The following PCSK5 variants were observed in gnomAD, a reference collection of about 807,000 sequenced individuals.
PCSK5 encodes the protein proprotein convertase subtilisin/kexin type 5, also known as prohormone convertase 5.
A neutral mutation model predicts 233.2 loss-of-function variants in PCSK5; 129 were observed. The observed-to-expected ratio is 0.55, with a 90% CI of 0.48 to 0.64. PCSK5 has a LOEUF of 0.64. Among genes scored for constraint, PCSK5 ranks in the 30% least tolerant of loss-of-function variants. The pLI is 0.00. For missense variants in PCSK5, 2,076 were observed against 2,430.1 expected (o/e 0.85, Z 3.06); for synonymous variants, 825 against 879.2 (o/e 0.94, Z 1.09).
intron 24 of PCSK5, among the ~76,000 whole-genome samples, chr9:76,280,610 T>C (rs58767366): frequency 0.13 from 19,344 of 151,670 alleles, 1,685 homozygotes; most frequent in African/African-American, 0.25. Context: ...GATGTGGTGG[T>C]CTGTAGTCCC....
rs1393588780 is a variant in PCSK5 at position 76,064,390 on chromosome 9, C to G, written c.633-3565C>G. 4.2e-3 allele frequency among the ~76,000 whole-genome samples: 516 copies of G among 124,290 alleles called. 3 individuals are homozygous for G. Among genetic ancestry groups the G allele is most frequent in the African/African-American group, 0.016 (479 of 30,034 alleles). The allele number at this position is 124,290 out of a possible 152,430, so 81.5% of individuals were successfully genotyped here. On this transcript the variant is annotated intron_variant, in intron 5 of 37. Transcript: ENST00000674117. The stretch of plus-strand genomic sequence containing the variant: ...CCCCCCACCTCCCTCCCGGACGGCA[C>G]GGCTGGCCAGGCGGGGGGCTGACCC...
intron 9 of PCSK5, among the ~76,000 whole-genome samples, chr9:76,116,878 A>G (rs1160655607): frequency 2.6e-5 from 4 of 152,144 alleles, no homozygotes; most frequent in African/African-American, 9.7e-5. Context: ...AATGGGCACT[A>G]TAAACCGTAA....
intron 10 of PCSK5, among the ~76,000 whole-genome samples, chr9:76,153,483 A>T (rs774824133): frequency 2.0e-4 from 30 of 152,238 alleles, no homozygotes; most frequent in Non-Finnish European, 4.0e-4. Flanking sequence ...GTGCTTGCAC[A>T]GAGTGGCTTC....
intron 3 of PCSK5, among the ~76,000 whole-genome samples, chr9:76,019,705 G>A (rs1176254256): frequency 1.3e-5 from 2 of 152,124 alleles, no homozygotes; most frequent in Non-Finnish European, 2.9e-5. Flanking sequence ...CAAGAGAAGT[G>A]GATGCACCCA....
chr9:76,160,265 G>A (rs1382422581), intron 12 of PCSK5, among the ~76,000 whole-genome samples: 1 of 152,152 alleles, frequency 6.6e-6, no homozygotes, highest in Non-Finnish European at 1.5e-5. Context: ...TGGCCAGAAT[G>A]TTCTATCACT....
rs918182239 is a variant in PCSK5 at position 76,123,959 on chromosome 9, A to C, written c.1209-10150A>C. ...GCTTAGTTTTAGGATTTCTTTTTTC[A>C]TTTGTATTGTAATGAAAACGTATAT... On this transcript the variant is annotated intron_variant, in intron 9 of 37. Coordinates refer to ENST00000674117, the MANE Select transcript of PCSK5 (RefSeq NM_001372043.1). 3.3e-5 allele frequency among the ~76,000 whole-genome samples: 5 copies of C among 151,576 alleles called. No homozygotes were observed. In the East Asian group the frequency reaches 9.7e-4, roughly 29 times the overall value.
rs372486868 is a variant in PCSK5, at chr9:76,206,038, G to A, written c.2626+16292G>A. 1.1e-4 allele frequency among the ~76,000 whole-genome samples: 16 copies of A among 152,342 alleles called. No individual in the cohort carries two copies. In the East Asian group the frequency reaches 2.9e-3, roughly 28 times the overall value. On this transcript the variant is annotated intron_variant, in intron 20 of 37. Coordinates refer to ENST00000674117, the MANE Select transcript of PCSK5 (RefSeq NM_001372043.1). Reference sequence around the variant, plus strand: ...AGGACTCTAAGGCAATGAGCATAGAGCAATGGCTGTCAGACTTGAGTGGCC... The same window carrying A: ...AGGACTCTAAGGCAATGAGCATAGAACAATGGCTGTCAGACTTGAGTGGCC...
chr9:76,326,424 TAAGA>T (rs1829361057), intron 32 of PCSK5, among the ~76,000 whole-genome samples: 1 of 152,004 alleles, frequency 6.6e-6, no homozygotes, highest in Non-Finnish European at 1.5e-5. Flanking sequence ...GGATCTTCTC[TAAGA>T]AACACAAGGA....
chr9:76,120,904 T>C (rs561269201), intron 9 of PCSK5, among the ~76,000 whole-genome samples: 1 of 152,092 alleles, frequency 6.6e-6, no homozygotes, highest in Non-Finnish European at 1.5e-5. Flanking sequence ...AATTGGAGTT[T>C]TTTCATCTGA....
At chr9:76,262,282 A>T (rs1276123284) in intron 24 of PCSK5, among the ~76,000 whole-genome samples, 1 of 152,182 alleles carries the variant, frequency 6.6e-6, no homozygotes, top group Admixed American at 6.5e-5. Context: ...ACTACTTTAA[A>T]GTTCATATGG....
chr9:75,944,633 C>G (rs7854620), intron 2 of PCSK5, among the ~76,000 whole-genome samples: 1 of 151,794 alleles, frequency 6.6e-6, no homozygotes, highest in African/African-American at 2.4e-5. Flanking sequence ...CACATTTTCT[C>G]CCACATGTGT....
intron 3 of PCSK5, among the ~76,000 whole-genome samples, chr9:76,013,364 CTCT>C (rs1421052895): frequency 6.6e-6 from 1 of 152,114 alleles, no homozygotes; most frequent in Non-Finnish European, 1.5e-5. Context: ...CCTCTGTGTC[CTCT>C]TCTTTTCATA....
rs138209885 is a variant in PCSK5, at chr9:76,188,244, T to C, written c.2283-334T>C. Among the ~76,000 whole-genome samples the C allele has an allele frequency of 2.4e-4, 37 of 152,344 alleles. No individual in the cohort carries two copies. In the East Asian group the frequency reaches 6.9e-3, roughly 29 times the overall value. On this transcript the variant is annotated intron_variant, in intron 17 of 37. Transcript: ENST00000674117. ...TGGGCTTATTGCTAGACAATGTGATTGTTTTGTCAATCAAATACTTTTTAA... is the reference window on the plus strand; with the variant it reads ...TGGGCTTATTGCTAGACAATGTGATCGTTTTGTCAATCAAATACTTTTTAA...
intron 1 of PCSK5, among the ~76,000 whole-genome samples, chr9:75,922,847 T>A (rs1587366066): frequency 6.6e-6 from 1 of 152,204 alleles, no homozygotes; most frequent in Non-Finnish European, 1.5e-5. Context: ...ACTTGCTGTG[T>A]CTTAAGTTTC....
rs139619382 is a variant in PCSK5 at position 76,059,838 on chromosome 9, A to G, written c.633-8117A>G. Reference sequence around the variant, plus strand: ...AGGATAAAAAAACGTCAAATAGAAAAGCATCCAGAGAAAAATAGATTGCCC... The same window carrying G: ...AGGATAAAAAAACGTCAAATAGAAAGGCATCCAGAGAAAAATAGATTGCCC... On this transcript the variant is annotated intron_variant, in intron 5 of 37. Coordinates refer to ENST00000674117, the MANE Select transcript of PCSK5 (RefSeq NM_001372043.1). Among the ~76,000 whole-genome samples the G allele has an allele frequency of 4.6e-5, 7 of 152,296 alleles. No homozygotes were observed. The East Asian group carries it at 5.8e-4, about 13-fold the overall frequency.
intron 1 of PCSK5, among the ~76,000 whole-genome samples, chr9:75,899,128 G>A (rs1299742802): frequency 1.3e-5 from 2 of 152,200 alleles, no homozygotes; most frequent in African/African-American, 4.8e-5. Context: ...GGAAGTAGGG[G>A]ATGAGGAGGA....
intron 8 of PCSK5, among the ~76,000 whole-genome samples, chr9:76,097,211 G>T (rs1336710705): frequency 5.5e-5 from 8 of 145,320 alleles, no homozygotes; most frequent in African/African-American, 2.0e-4. Flanking sequence ...GGGATTACAG[G>T]TGTAAGGCAC....
At chr9:76,026,401 G>C (rs554445793) in intron 4 of PCSK5, among the ~76,000 whole-genome samples, 78 of 152,174 alleles carry the variant, frequency 5.1e-4, no homozygotes, top group Non-Finnish European at 1.0e-3. Flanking sequence ...CCTGGAACCA[G>C]ACGAGGGTTG....
At chr9:76,170,213 C>A (rs932437375) in intron 13 of PCSK5, among the ~76,000 whole-genome samples, 1 of 133,868 alleles carries the variant, frequency 7.5e-6, no homozygotes, top group African/African-American at 2.7e-5. Flanking sequence ...CCTTAGTTAT[C>A]TATTTCTTTT....
Sources: allele counts gnomAD v4.1 joint callset (sites outside exome capture counted in the v4.1 genomes callset), GRCh38; gene constraint gnomAD v4.1.1; transcripts MANE v1.5; gene names NCBI Gene and HGNC (gene_info 2026-07-23, HGNC 2026-07-21).